The following ABCG5 variants were observed in gnomAD, a reference collection of about 807,000 sequenced individuals.
ABCG5 encodes ATP binding cassette subfamily G member 5.
In ABCG5, 64 loss-of-function variants were observed where a neutral mutation model predicts 64.5. The observed-to-expected ratio is 0.99, with a 90% CI of 0.81 to 1.22. The LOEUF is 1.22. Ranked by LOEUF, ABCG5 falls within the 50% of genes most tolerant of loss-of-function variation. The pLI, the probability that ABCG5 is intolerant of heterozygous loss-of-function variation, is 0.00. For missense variants in ABCG5, 908 were observed against 829.5 expected, an observed-to-expected ratio of 1.09 and a Z score of -1.16; for synonymous variants, 385 against 326.3, an observed-to-expected ratio of 1.18 and a Z score of -1.94.
At position 43,838,702 on chromosome 2, in the gene ABCG5, G is replaced by A; in HGVS notation, c.-23C>T. ...CATGGCCAACAGGCAGCAAAGCTGG[G>A]CAAATTTTCTGGTGGCCGGACCCTC... On this transcript the variant is annotated 5_prime_UTR_variant, in exon 1 of 13. Transcript: ENST00000405322. The surrounding 1 kb of genome is among the most constrained non-coding windows in gnomAD (Gnocchi z 4.2). 2 of 1,612,602 alleles carry A rather than the reference G, an allele frequency of 1.2e-6. No individual in the cohort carries two copies. The highest frequency in any genetic ancestry group is 1.1e-5 in the South Asian group (1 of 90,814).
chr2:43,806,920 G>A, the ABCG5 span, among the ~76,000 whole-genome samples: 1 of 152,112 alleles, frequency 6.6e-6, no homozygotes, highest in South Asian at 2.1e-4. Flanking sequence ...TACCTGAAAA[G>A]TTATGCTGTC....
chr2:43,837,331 G>C (rs1313497728), intron 2 of ABCG5, among the ~76,000 whole-genome samples: 1 of 151,404 alleles, frequency 6.6e-6, no homozygotes, highest in East Asian at 1.9e-4. Context: ...ATGTTGCTTA[G>C]GTTGCTCTCG....
intron 11 of ABCG5, among the ~76,000 whole-genome samples, chr2:43,815,798 G>C (rs933947265): frequency 6.6e-6 from 1 of 151,842 alleles, no homozygotes; most frequent in African/African-American, 2.4e-5. Flanking sequence ...TGTGAGTTGA[G>C]GTTGAATGAC....
chr2:43,822,423 C>T (rs1386654392), intron 10 of ABCG5: 1 of 746,930 alleles, frequency 1.3e-6, no homozygotes, highest in Non-Finnish European at 1.6e-6. Flanking sequence ...TTCCCACCCT[C>T]TGAATGTGTC....
intron 4 of ABCG5, among the ~76,000 whole-genome samples, chr2:43,829,429 C>T (rs927371741): frequency 6.6e-6 from 1 of 152,178 alleles, no homozygotes; most frequent in Admixed American, 6.5e-5. Context: ...TTAAAATTCC[C>T]TTTCTTCCAA....
chr2:43,812,169 G>C (rs1666513163), downstream of ABCG5, among the ~76,000 whole-genome samples: 1 of 152,018 alleles, frequency 6.6e-6, no homozygotes, highest in African/African-American at 2.4e-5. Context: ...TTCCACATCA[G>C]CCTCCTGAGC....
chr2:43,827,548 C>T (rs902461065), intron 5 of ABCG5, among the ~76,000 whole-genome samples: 1 of 152,128 alleles, frequency 6.6e-6, no homozygotes, highest in Non-Finnish European at 1.5e-5. Flanking sequence ...TGTTTTGATA[C>T]TCCCTTCCCC....
intron 2 of ABCG5, among the ~76,000 whole-genome samples, chr2:43,836,973 G>A (rs960776546): frequency 6.7e-6 from 1 of 150,134 alleles, no homozygotes; most frequent in African/African-American, 2.4e-5. Context: ...AGGATGCAGT[G>A]AGCCAAGATC....
intron 9 of ABCG5, 138 bp downstream of exon 9, chr2:43,823,775 C>A (rs766283768): frequency 1.0e-6 from 1 of 975,586 alleles, no homozygotes; most frequent in Non-Finnish European, 1.5e-6. Context: ...AGTTGCCTTT[C>A]CCCAGAGAGG....
Position 43,832,056 on chromosome 2 carries a change from G to C in ABCG5, c.293C>G (p.Ala98Gly), listed in dbSNP as rs145164937. The C allele has an allele frequency of 2.1e-3, 3,365 of 1,581,976 alleles. 13 individuals are homozygous for C. Among genetic ancestry groups the C allele is most frequent in the Middle Eastern group, 9.6e-3 (58 of 6,022 alleles). ...SGSGKTTLLD[A>G]MSGRLGRAGT... ...CGCGCGCCCCAGCCTCCCGGACATG[G>C]CGTCCAGCAGCGTGGTTTTCCCGGA... Residue 98 changes from alanine (A) to glycine (G), a missense_variant, in exon 3 of 13, where the codon GCC (alanine) becomes GGC (glycine). Coordinates refer to ENST00000405322, the MANE Select transcript of ABCG5 (RefSeq NM_022436.3).
At chr2:43,834,036 T>C (rs1002088634) in intron 2 of ABCG5, among the ~76,000 whole-genome samples, 1 of 152,314 alleles carries the variant, frequency 6.6e-6, no homozygotes, top group East Asian at 1.9e-4. Context: ...GGTACAAAGA[T>C]GAATCAACTC....
At chr2:43,837,730 C>G (rs1668368977) in intron 2 of ABCG5, 104 bp downstream of exon 2, 1 of 1,480,358 alleles carries the variant, frequency 6.8e-7, no homozygotes, top group African/African-American at 1.4e-5. Flanking sequence ...AGAATTCATT[C>G]TAATATCAAA....
In ABCG5 at chr2:43,824,394, C is replaced by G; in HGVS notation, c.943G>C (p.Glu315Gln). The change falls in exon 8 of 13, where the codon GAA becomes CAA. Residue 315 changes from glutamate (E) to glutamine (Q), a missense_variant. By Grantham distance (29) the Glu-to-Gln change is conservative (BLOSUM62 2). Coordinates refer to ENST00000405322, the MANE Select transcript of ABCG5 (RefSeq NM_022436.3). The part of the protein sequence containing the change: ...TSVDTQSKER[E>Q]IETSKRVQMI... The stretch of plus-strand genomic sequence containing the variant: ...TGGACTCTCTTGGAGGTTTCTATTT[C>G]CCGTTCCTTGCTTTGGGTATCCACT... 1 of 1,614,116 alleles carries G rather than the reference C, an allele frequency of 6.2e-7. No individual in the cohort carries two copies. The highest frequency in any genetic ancestry group is 1.3e-5 in the African/African-American group (1 of 75,038).
intron 10 of ABCG5, among the ~76,000 whole-genome samples, chr2:43,821,787 C>A (rs148053273): frequency 2.6e-5 from 4 of 152,058 alleles, no homozygotes; most frequent in Non-Finnish European, 5.9e-5. Flanking sequence ...ATTTCAATCT[C>A]TCTCCCCAGT....
intron 2 of ABCG5, among the ~76,000 whole-genome samples, chr2:43,837,063 A>G (rs900965114): frequency 1.9e-4 from 29 of 151,592 alleles, no homozygotes; most frequent in African/African-American, 6.1e-4. Context: ...AAACGACCAG[A>G]TAAGATCTGA....
In ABCG5 at chr2:43,823,902, T is replaced by C. The variant is rs764721117; in HGVS notation, c.1324+11A>G. 63 of 1,612,842 alleles carry C rather than the reference T, an allele frequency of 3.9e-5. No homozygotes were observed. The Admixed American group carries it at 8.2e-4, about 21-fold the overall frequency. Reference sequence around the variant, plus strand: ...GAGAAAGAGGTGCACCTCCAGCACGTGGGCACTTACACAGATTCACAGCGT... The same window carrying C: ...GAGAAAGAGGTGCACCTCCAGCACGCGGGCACTTACACAGATTCACAGCGT... On this transcript the variant is annotated intron_variant, in intron 9 of 12. Transcript: ENST00000405322.
chr2:43,818,015 C>T (rs1368244764), intron 11 of ABCG5, among the ~76,000 whole-genome samples: 1 of 152,112 alleles, frequency 6.6e-6, no homozygotes, highest in Non-Finnish European at 1.5e-5. Flanking sequence ...TAACGTTAAC[C>T]TACAGTTGGG....
Position 43,831,439 on chromosome 2 carries a change from C to G in ABCG5, c.501+330G>C, listed in dbSNP as rs576454116. Among the ~76,000 whole-genome samples the G allele has an allele frequency of 4.6e-5, 7 of 152,360 alleles. No homozygotes were observed. In the East Asian group the frequency reaches 1.4e-3, roughly 29 times the overall value. ...CCTCCCATCTTGGCCTTCCAAAGTG[C>G]TGGGATTACAGGTATGAGCCACCCT... On this transcript the variant is annotated intron_variant, in intron 4 of 12. Transcript: ENST00000405322.
At chr2:43,829,792 A>C (rs553709022) in intron 4 of ABCG5, among the ~76,000 whole-genome samples, 2 of 152,338 alleles carry the variant, frequency 1.3e-5, no homozygotes, top group Middle Eastern at 6.8e-3. Context: ...AAAAAACAAT[A>C]AGCTAGATTG....
Sources: gnomAD v4.1 joint callset for allele counts (sites outside exome capture counted in the v4.1 genomes callset) on GRCh38, gnomAD v4.1.1 for gene constraint, Gnocchi (gnomAD v3.1) non-coding constraint, MANE v1.5 for transcripts, NCBI Gene and HGNC (gene_info 2026-07-23, HGNC 2026-07-21) for gene names.